Variants in SNX29 observed in about 807,000 individuals in gnomAD.
SNX29 encodes sorting nexin-29.
A neutral mutation model predicts 102.1 loss-of-function variants in SNX29; 78 were observed. That is an observed-to-expected ratio of 0.76 (90% CI 0.64 to 0.92). The LOEUF is 0.92. Ranked by LOEUF, SNX29 falls within the 40% of genes least tolerant of loss-of-function variation. The probability of loss-of-function intolerance (pLI) is 0.00; values close to 1 mark genes in which losing one functional copy is unlikely to be tolerated. For synonymous variants in SNX29, 580 were observed against 414.5 expected (o/e 1.40, Z -4.85); for missense variants, 1,280 against 1,061.7 (o/e 1.21, Z -2.86).
intron 18 of SNX29, among the ~76,000 whole-genome samples, chr16:12,450,696 T>G (rs2086264476): frequency 6.6e-6 from 1 of 152,158 alleles, no homozygotes; most frequent in South Asian, 2.1e-4. Context: ...TCAGATGGGC[T>G]TTGTCTGCTT....
At chr16:12,356,363 G>A (rs1220169280) in intron 16 of SNX29, 84 bp downstream of exon 16, 26 of 1,283,380 alleles carry the variant, frequency 2.0e-5, no homozygotes, top group Middle Eastern at 2.6e-4. Flanking sequence ...CACAGAGCAA[G>A]CAACCATGCA....
intron 4 of SNX29, chr16:12,027,651 G>C: frequency 1.9e-6 from 1 of 526,618 alleles, no homozygotes; most frequent in Non-Finnish European, 3.2e-6. Flanking sequence ...CTTTTGTGCA[G>C]AATTCTCAGA....
At chr16:12,520,114 C>T (rs1240226114) in intron 19 of SNX29, among the ~76,000 whole-genome samples, 1 of 152,224 alleles carries the variant, frequency 6.6e-6, no homozygotes, top group Non-Finnish European at 1.5e-5. Flanking sequence ...AGGTCACATT[C>T]TACCGAGTCC....
chr16:12,179,122 G>T (rs2076325674), intron 13 of SNX29, among the ~76,000 whole-genome samples: 1 of 152,268 alleles, frequency 6.6e-6, no homozygotes, highest in South Asian at 2.1e-4. Flanking sequence ...ATATTCCTAT[G>T]TGTAGATATC....
intron 15 of SNX29, among the ~76,000 whole-genome samples, chr16:12,305,605 G>T (rs2080313715): frequency 6.6e-6 from 1 of 151,988 alleles, no homozygotes; most frequent in Non-Finnish European, 1.5e-5. Flanking sequence ...TATTTTTTTG[G>T]CATTAATTTT....
At chr16:12,332,983 G>A (rs158469) in intron 15 of SNX29, among the ~76,000 whole-genome samples, 148,150 of 152,094 alleles carry the variant, frequency 0.97, 72,292 homozygotes, top group Middle Eastern at 1. Flanking sequence ...TCCGCAGGCA[G>A]TATTTCAGAG....
chr16:12,125,158 A>C (rs866672642), intron 11 of SNX29, among the ~76,000 whole-genome samples: 3 of 152,170 alleles, frequency 2.0e-5, no homozygotes, highest in Admixed American at 1.3e-4. Context: ...TTACTGCCCA[A>C]AAAGAGTCAC....
chr16:12,031,097 A>G lies in SNX29; in HGVS notation c.247+3653A>G, dbSNP rs137944429. Among the ~76,000 whole-genome samples the G allele has an allele frequency of 5.3e-5, 8 of 151,544 alleles. No individual in the cohort carries two copies. The East Asian group carries it at 1.4e-3, about 26-fold the overall frequency. On this transcript the variant is annotated intron_variant, in intron 4 of 20. Coordinates refer to ENST00000566228, the MANE Select transcript of SNX29 (RefSeq NM_032167.5). ...CTGTATTTTTTTTTTTTCTGAGACAATGTCTTGCTCTGTCGCCCAGGCTAG... is the reference window on the plus strand; with the variant it reads ...CTGTATTTTTTTTTTTTCTGAGACAGTGTCTTGCTCTGTCGCCCAGGCTAG...
intron 14 of SNX29, among the ~76,000 whole-genome samples, chr16:12,202,483 C>T (rs1205761274): frequency 6.6e-6 from 1 of 152,212 alleles, no homozygotes; most frequent in Non-Finnish European, 1.5e-5. Flanking sequence ...AGGGCAAATT[C>T]TTCATGCTCT....
In SNX29 at chr16:12,096,625, T is replaced by C. The variant is rs1301097098; in HGVS notation, c.1402+17710T>C. ...ATGGTAATAAAGAAATGATGAATGATTGGATGGGGCAAAACGGGAGGCAAT... is the reference window on the plus strand; with the variant it reads ...ATGGTAATAAAGAAATGATGAATGACTGGATGGGGCAAAACGGGAGGCAAT... On this transcript the variant is annotated intron_variant, in intron 11 of 20. Coordinates refer to ENST00000566228, the MANE Select transcript of SNX29 (RefSeq NM_032167.5). This position sits in a 1 kb window ranked among gnomAD's most constrained non-coding sequence, Gnocchi z 4.2. Among the ~76,000 whole-genome samples the C allele has an allele frequency of 6.6e-6, 1 of 152,150 alleles. No individual in the cohort carries two copies. The highest frequency in any genetic ancestry group is 1.5e-5 in the Non-Finnish European group (1 of 68,018).
intron 20 of SNX29, among the ~76,000 whole-genome samples, chr16:12,528,117 A>G (rs1194722152): frequency 6.6e-6 from 1 of 151,376 alleles, no homozygotes; most frequent in East Asian, 2.0e-4. Context: ...GAGCCACCGC[A>G]CCTGGCCTGT....
At position 12,098,970 on chromosome 16, in the gene SNX29, G is replaced by C. The variant is rs1567205081; in HGVS notation, c.1402+20055G>C. Reference sequence around the variant, plus strand: ...TCACTCCCTGCATTGTGGGAGCAGAGAGTACGGGACAGAAAGAGTGAGGGT... The same window carrying C: ...TCACTCCCTGCATTGTGGGAGCAGACAGTACGGGACAGAAAGAGTGAGGGT... On this transcript the variant is annotated intron_variant, in intron 11 of 20. Transcript: ENST00000566228. This position sits in a 1 kb window ranked among gnomAD's most constrained non-coding sequence, Gnocchi z 6.0. Among the ~76,000 whole-genome samples, 1 of 152,096 alleles carries C rather than the reference G, an allele frequency of 6.6e-6. No homozygotes were observed. The highest frequency in any genetic ancestry group is 1.5e-5 in the Non-Finnish European group (1 of 68,024).
At chr16:12,390,701 T>TG (rs2083499556) in intron 16 of SNX29, among the ~76,000 whole-genome samples, 1 of 152,094 alleles carries the variant, frequency 6.6e-6, no homozygotes, top group South Asian at 2.1e-4. Flanking sequence ...TGCCAGGTGC[T>TG]GGGCTGGGAT....
chr16:12,298,529 T>A (rs988946329), intron 15 of SNX29, among the ~76,000 whole-genome samples: 1 of 152,222 alleles, frequency 6.6e-6, no homozygotes, highest in African/African-American at 2.4e-5. Flanking sequence ...ATGGTAATAG[T>A]TCCTACCTCC....
chr16:12,452,495 CCAGAGGAGTT>C (rs2086350400), intron 18 of SNX29, among the ~76,000 whole-genome samples: 1 of 152,108 alleles, frequency 6.6e-6, no homozygotes, highest in South Asian at 2.1e-4. Context: ...TCCGTAGAGA[CCAGAGGAGTT>C]CAGAGGAGAG....
intron 9 of SNX29, 54 bp from the exon 10 acceptor site, chr16:12,069,003 G>A: frequency 6.5e-7 from 1 of 1,544,062 alleles, no homozygotes; most frequent in South Asian, 1.1e-5. Flanking sequence ...TTGTCTTATG[G>A]AGAACATGTA....
At chr16:12,412,615 G>A (rs981697285) in intron 18 of SNX29, among the ~76,000 whole-genome samples, 2 of 152,212 alleles carry the variant, frequency 1.3e-5, no homozygotes, top group South Asian at 2.1e-4. Flanking sequence ...AAGTCTTCGC[G>A]TGTTAGGCTT....
At chr16:12,558,579 A>C (rs913010830) in intron 20 of SNX29, among the ~76,000 whole-genome samples, 2 of 152,182 alleles carry the variant, frequency 1.3e-5, no homozygotes, top group Non-Finnish European at 2.9e-5. Flanking sequence ...TGGTGGATCC[A>C]TACACCTGTC....
chr16:12,517,850 C>T (rs778699507), intron 19 of SNX29, among the ~76,000 whole-genome samples: 20 of 152,012 alleles, frequency 1.3e-4, no homozygotes, highest in East Asian at 1.9e-4. Context: ...AGAGGTCTCT[C>T]GGAGGTATTG....
Sources: gnomAD v4.1 joint callset for allele counts (sites outside exome capture counted in the v4.1 genomes callset) on GRCh38, gnomAD v4.1.1 for gene constraint, Gnocchi (gnomAD v3.1) non-coding constraint, MANE v1.5 for transcripts, NCBI Gene and HGNC (gene_info 2026-07-23, HGNC 2026-07-21) for gene names.